The following MAGI2 variants were observed in gnomAD, a reference collection of about 807,000 sequenced individuals.
MAGI2 encodes the protein membrane-associated guanylate kinase, WW and PDZ domain-containing protein 2.
A neutral mutation model predicts 133.3 loss-of-function variants in MAGI2; 35 were observed. That is an observed-to-expected ratio of 0.26 (90% CI 0.20 to 0.35). The LOEUF is 0.35. Ranked by LOEUF, MAGI2 falls within the 10% of genes least tolerant of loss-of-function variation. The pLI is 1.00. For synonymous variants in MAGI2, 729 were observed against 710.6 expected (o/e 1.03, Z -0.41); for missense variants, 1,636 against 1,863.4 (o/e 0.88, Z 2.25).
At chr7:78,390,783 T>C (rs951198278) in intron 6 of MAGI2, among the ~76,000 whole-genome samples, 2 of 152,176 alleles carry the variant, frequency 1.3e-5, no homozygotes, top group African/African-American at 4.8e-5. Flanking sequence ...CTCAGTTATT[T>C]AGCACCATAG....
rs370240032 is a variant in MAGI2 at position 78,040,363 on chromosome 7, G to C, written c.3707-20387C>G. Among the ~76,000 whole-genome samples the C allele has an allele frequency of 2.0e-5, 3 of 152,316 alleles. No homozygotes were observed. In the East Asian group the frequency reaches 5.8e-4, roughly 30 times the overall value. On this transcript the variant is annotated intron_variant, in intron 21 of 21. Transcript: ENST00000354212. ...TGAGGGGAGGCACAGGCGGGAAGGA[G>C]GACGGGCGCCCCCTGGCGGCCCCTG...
intron 2 of MAGI2, among the ~76,000 whole-genome samples, chr7:78,988,109 G>A (rs1805437258): frequency 6.6e-6 from 1 of 151,890 alleles, no homozygotes; most frequent in Non-Finnish European, 1.5e-5. Flanking sequence ...ATATTTTGTT[G>A]GGTACTGGAC....
chr7:78,486,017 C>A (rs982176774), intron 6 of MAGI2: 8 of 152,038 alleles, frequency 5.3e-5, no homozygotes, highest in African/African-American at 1.2e-4. Context: ...CAAAAGGGAA[C>A]CCTGGAGAGG....
intron 1 of MAGI2, among the ~76,000 whole-genome samples, chr7:79,086,312 G>A (rs1157238030): frequency 2.0e-5 from 3 of 151,768 alleles, no homozygotes; most frequent in African/African-American, 7.3e-5. Context: ...CAAGGTTTTG[G>A]GAAAGCTCCA....
intron 20 of MAGI2, among the ~76,000 whole-genome samples, chr7:78,103,497 T>C (rs1454783437): frequency 6.6e-6 from 1 of 152,216 alleles, no homozygotes; most frequent in Non-Finnish European, 1.5e-5. Flanking sequence ...TGAGGTAGTG[T>C]TAGGCACTTA....
At chr7:78,160,684 TAA>T (rs998384544) in intron 15 of MAGI2, among the ~76,000 whole-genome samples, 3 of 152,000 alleles carry the variant, frequency 2.0e-5, no homozygotes, top group Non-Finnish European at 2.9e-5. Context: ...AAATAAATTG[TAA>T]AAAAAAGTAC....
At chr7:78,642,164 T>C (rs1584939597) in intron 2 of MAGI2, among the ~76,000 whole-genome samples, 1 of 152,194 alleles carries the variant, frequency 6.6e-6, no homozygotes, top group African/African-American at 2.4e-5. Flanking sequence ...ATGGTCACCA[T>C]AGAAATCAAG....
At chr7:79,073,777 CTCTCTTT>C (rs1170843176) in intron 1 of MAGI2, among the ~76,000 whole-genome samples, 1 of 151,246 alleles carries the variant, frequency 6.6e-6, no homozygotes, top group Non-Finnish European at 1.5e-5. Flanking sequence ...TTATGCCATC[CTCTCTTT>C]TCTCTTTTCT....
chr7:78,418,404 G>C (rs1187574377), intron 6 of MAGI2, among the ~76,000 whole-genome samples: 1 of 152,070 alleles, frequency 6.6e-6, no homozygotes, highest in Non-Finnish European at 1.5e-5. Context: ...GGAAAACTCA[G>C]GGCATTGATG....
chr7:78,987,274 C>T (rs1469753970), intron 2 of MAGI2, among the ~76,000 whole-genome samples: 1 of 151,970 alleles, frequency 6.6e-6, no homozygotes, highest in Non-Finnish European at 1.5e-5. Flanking sequence ...TATAGGTGTG[C>T]AAATGAATAC....
chr7:78,159,116 G>A (rs1481421374), intron 16 of MAGI2, among the ~76,000 whole-genome samples: 1 of 152,040 alleles, frequency 6.6e-6, no homozygotes, highest in Non-Finnish European at 1.5e-5. Flanking sequence ...TGAATGCTCG[G>A]GGAGACTGAT....
intron 1 of MAGI2, among the ~76,000 whole-genome samples, chr7:79,343,747 G>A (rs1319639440): frequency 6.6e-6 from 1 of 151,968 alleles, no homozygotes; most frequent in Non-Finnish European, 1.5e-5. Flanking sequence ...TTACTTTTTA[G>A]TTTTCATTTT....
intron 1 of MAGI2, among the ~76,000 whole-genome samples, chr7:79,269,015 C>T (rs1307547354): frequency 4.6e-5 from 7 of 151,970 alleles, no homozygotes; most frequent in East Asian, 1.9e-4. Flanking sequence ...CCCACAATCA[C>T]GGGAAATGGT....
intron 1 of MAGI2, among the ~76,000 whole-genome samples, chr7:79,152,806 G>A (rs1823383340): frequency 6.6e-6 from 1 of 152,138 alleles, no homozygotes; most frequent in Non-Finnish European, 1.5e-5. Context: ...CTATGCATGA[G>A]GTAGCAGTAG....
intron 6 of MAGI2, among the ~76,000 whole-genome samples, chr7:78,395,796 G>A (rs1796296789): frequency 6.6e-6 from 1 of 152,172 alleles, no homozygotes; most frequent in Admixed American, 6.6e-5. Flanking sequence ...GCAAGAATGT[G>A]ATGAACATGT....
intron 9 of MAGI2, among the ~76,000 whole-genome samples, chr7:78,339,100 G>T (rs1990370): frequency 0.7 from 106,412 of 152,176 alleles, 38,021 homozygotes; most frequent in African/African-American, 0.8. Context: ...TTACAATTAC[G>T]TGTTTATGGG....
chr7:79,424,615 A>G (rs1179148164), intron 1 of MAGI2, among the ~76,000 whole-genome samples: 1 of 152,172 alleles, frequency 6.6e-6, no homozygotes, highest in East Asian at 1.9e-4. Flanking sequence ...AATTGGCTGG[A>G]TTATCCATTC....
chr7:78,180,152 G>A (rs1827056795), intron 13 of MAGI2, among the ~76,000 whole-genome samples: 1 of 152,124 alleles, frequency 6.6e-6, no homozygotes, highest in Non-Finnish European at 1.5e-5. Flanking sequence ...ACAAATAGAA[G>A]GTGCTGTATT....
chr7:79,119,832 T>A (rs571480038), intron 1 of MAGI2, among the ~76,000 whole-genome samples: 2 of 152,062 alleles, frequency 1.3e-5, no homozygotes, highest in Non-Finnish European at 1.5e-5. Context: ...AGGAAAAAAA[T>A]GCTTCCTTTA....
Sources: allele counts gnomAD v4.1 joint callset (sites outside exome capture counted in the v4.1 genomes callset), GRCh38; gene constraint gnomAD v4.1.1; transcripts MANE v1.5; gene names NCBI Gene and HGNC (gene_info 2026-07-23, HGNC 2026-07-21).